WSCD2: variants seen among roughly 807,000 people sequenced by gnomAD.
WSCD2 encodes WSC domain sialate O sulfotransferase 2, also known as sialate:O-sulfotransferase 2.
In WSCD2, 28 loss-of-function variants were observed where a neutral mutation model predicts 55.7. The observed-to-expected ratio is 0.50, with a 90% CI of 0.37 to 0.69. WSCD2 has a LOEUF of 0.69. WSCD2 is among the 30% of genes least tolerant of loss of function. The pLI, the probability that WSCD2 is intolerant of heterozygous loss-of-function variation, is 0.00. For missense variants in WSCD2, 616 were observed against 762.1 expected, an observed-to-expected ratio of 0.81 and a Z score of 2.26; for synonymous variants, 301 against 301.9, an observed-to-expected ratio of 1.00 and a Z score of 0.03.
At position 108,248,322 on chromosome 12, in the gene WSCD2, C is replaced by T. The variant is rs779612434; in HGVS notation, c.1677C>T (p.Pro559=). ...ALKGRNLTGV[P]DDYYPR ...AAGGGCGGAACCTAACGGGTGTCCC[C>T]GATGACTACTACCCAAGATGATGCG... is the stretch of plus-strand genomic sequence containing the variant. Residue 559 remains proline, a synonymous_variant, in exon 9 of 9, where the codon CCC becomes CCT. Coordinates refer to ENST00000547525, the MANE Select transcript of WSCD2 (RefSeq NM_014653.4). The surrounding 1 kb of genome is among the most constrained non-coding windows in gnomAD (Gnocchi z 4.3). 14 of 1,613,244 alleles carry T rather than the reference C, an allele frequency of 8.7e-6. No homozygotes were observed. The highest frequency in any genetic ancestry group is 4.0e-5 in the African/African-American group (3 of 74,912).
At chr12:108,133,038 T>TGTGTATCCGTGAATGTTAGCATG (rs1312983207) in intron 1 of WSCD2, among the ~76,000 whole-genome samples, 10 of 152,198 alleles carry the variant, frequency 6.6e-5, no homozygotes, top group Non-Finnish European at 1.3e-4. Context: ...AGCATGTGCA[T>TGTGTATCCGTGAATGTTAGCATG]TTGATTGTGT....
Position 108,210,272 on chromosome 12 carries a change from C to T in WSCD2, c.649C>T (p.Arg217Trp), listed in dbSNP as rs761058784. Residue 217 changes from arginine to tryptophan, a missense_variant, in exon 4 of 9, where the codon CGG becomes TGG. Physicochemically the swap from Arg to Trp is moderately radical, Grantham distance 101. This residue lies in a region of WSCD2 where 374 missense variants were observed against 467.4 expected (regional missense o/e 0.80). Coordinates refer to ENST00000547525, the MANE Select transcript of WSCD2 (RefSeq NM_014653.4). The surrounding 1 kb of genome is among the most constrained non-coding windows in gnomAD (Gnocchi z 4.3). Reference protein sequence around the residue: ...CGGANRLSVYRLQLAQESARR... With the variant: ...CGGANRLSVYWLQLAQESARR... ...CGGCGCCAACCGCCTCTCTGTCTAC[C>T]GGCTGCAGCTGGCCCAGGAGTCGGC... The T allele has an allele frequency of 4.4e-6, 7 of 1,604,320 alleles. No homozygotes were observed. The highest frequency in any genetic ancestry group is 4.0e-5 in the African/African-American group (3 of 74,710).
At chr12:108,216,223 A>AT (rs1351290579) in intron 4 of WSCD2, among the ~76,000 whole-genome samples, 1 of 152,204 alleles carries the variant, frequency 6.6e-6, no homozygotes, top group Admixed American at 6.5e-5. Flanking sequence ...AAGTAATTGA[A>AT]TCTTGCTAAG....
intron 1 of WSCD2, among the ~76,000 whole-genome samples, chr12:108,149,472 C>T (rs867208356): frequency 2.6e-5 from 4 of 152,314 alleles, no homozygotes; most frequent in Non-Finnish European, 5.9e-5. Context: ...TTTCAGTATG[C>T]ACCAACATCG....
chr12:108,227,192 CCA>C, intron 6 of WSCD2, 28 bp downstream of exon 6: 2 of 1,597,574 alleles, frequency 1.3e-6, no homozygotes. Flanking sequence ...CCAGTGGACC[CCA>C]GATGCACTCC....
chr12:108,180,467 A>T (rs1288576613), intron 1 of WSCD2, among the ~76,000 whole-genome samples: 1 of 152,276 alleles, frequency 6.6e-6, no homozygotes, highest in Non-Finnish European at 1.5e-5. Context: ...CGTGGGACAA[A>T]CCTTGGCTTG....
Position 108,248,524 on chromosome 12 carries a change from C to A in WSCD2, c.*181C>A. The A allele has an allele frequency of 7.1e-7, 1 of 1,418,198 alleles. No individual in the cohort carries two copies. Among genetic ancestry groups the A allele is most frequent in the Non-Finnish European group, 9.2e-7 (1 of 1,089,650 alleles). 87.9% of individuals were successfully genotyped at this position (1,418,198 alleles called of 1,614,324 possible). On this transcript the variant is annotated 3_prime_UTR_variant, in exon 9 of 9. Transcript: ENST00000547525. The surrounding 1 kb of genome is among the most constrained non-coding windows in gnomAD (Gnocchi z 4.3). ...AGGAGGCTCAAGGGAAGAGATTGCC[C>A]AGGCACTACCACTCTGCTCACATGT...
chr12:108,224,716 T>C, intron 4 of WSCD2, 23 bp from the exon 5 acceptor site: 2 of 1,608,398 alleles, frequency 1.2e-6, no homozygotes, highest in Non-Finnish European at 8.5e-7. Flanking sequence ...ATCTGACTAG[T>C]CCTCTTCTCT....
At chr12:108,204,136 A>T (rs1166206493) in intron 2 of WSCD2, among the ~76,000 whole-genome samples, 1 of 152,212 alleles carries the variant, frequency 6.6e-6, no homozygotes, top group South Asian at 2.1e-4. Context: ...TTGAATTTTT[A>T]AAAAATGAGA....
chr12:108,133,442 G>T (rs559824132), intron 1 of WSCD2, among the ~76,000 whole-genome samples: 1 of 152,288 alleles, frequency 6.6e-6, no homozygotes, highest in African/African-American at 2.4e-5. Context: ...GCATGTCTGT[G>T]TGTATGTGTG....
rs551353361 is a variant in WSCD2 at position 108,151,461 on chromosome 12, G to T, written c.-552+21535G>T. ...CTGGCAAATGACCTCCTCCCCAGGG[G>T]TGGGGGTTCTATTGGCTAGGAAGAG... On this transcript the variant is annotated intron_variant, in intron 1 of 8. Coordinates refer to ENST00000547525, the MANE Select transcript of WSCD2 (RefSeq NM_014653.4). Among the ~76,000 whole-genome samples, 21 of 152,352 alleles carry T rather than the reference G, an allele frequency of 1.4e-4. No homozygotes were observed. The East Asian group carries it at 4.1e-3, about 29-fold the overall frequency.
intron 1 of WSCD2, among the ~76,000 whole-genome samples, chr12:108,161,273 A>C (rs1879025958): frequency 6.6e-6 from 1 of 152,220 alleles, no homozygotes; most frequent in Admixed American, 6.5e-5. Context: ...TCAAATGTTT[A>C]AGTTCTAACC....
At chr12:108,185,457 T>C (rs1565943869) in intron 1 of WSCD2, among the ~76,000 whole-genome samples, 1 of 152,110 alleles carries the variant, frequency 6.6e-6, no homozygotes, top group Non-Finnish European at 1.5e-5. Context: ...ATTTTGCAGA[T>C]CTCAGCTCAA....
intron 8 of WSCD2, among the ~76,000 whole-genome samples, chr12:108,242,247 C>A (rs1225121020): frequency 6.6e-6 from 1 of 152,218 alleles, no homozygotes; most frequent in Non-Finnish European, 1.5e-5. Context: ...TCACTCAAGG[C>A]GGTTTTTCTG....
At chr12:108,203,070 G>A (rs1394155486) in intron 2 of WSCD2, among the ~76,000 whole-genome samples, 1 of 152,196 alleles carries the variant, frequency 6.6e-6, no homozygotes, top group Non-Finnish European at 1.5e-5. Flanking sequence ...GACAGACCTG[G>A]ACATGGATTT....
intron 1 of WSCD2, among the ~76,000 whole-genome samples, chr12:108,141,840 T>C (rs1876850833): frequency 1.3e-5 from 2 of 152,106 alleles, no homozygotes; most frequent in Non-Finnish European, 2.9e-5. Context: ...GTAAAGAGTT[T>C]AAGTAAAGTG....
chr12:108,240,558 G>A lies in WSCD2; in HGVS notation c.1345+14G>A, dbSNP rs1889649127. The A allele has an allele frequency of 1.3e-6, 2 of 1,567,282 alleles. No homozygotes were observed. The highest frequency in any genetic ancestry group is 1.4e-5 in the African/African-American group (1 of 73,912). ...GGAAGGGCAAAGGTACAGCTCGGGA[G>A]AGGAGGGGAGGGGAGGGGAGGGGCT... On this transcript the variant is annotated intron_variant, in intron 8 of 8. Transcript: ENST00000547525.
intron 1 of WSCD2, among the ~76,000 whole-genome samples, chr12:108,186,208 TA>T (rs1882469267): frequency 6.6e-6 from 1 of 152,220 alleles, no homozygotes; most frequent in African/African-American, 2.4e-5. Context: ...AATAGACTTT[TA>T]AAAAGCCATT....
At chr12:108,208,966 T>A (rs1483690987) in intron 3 of WSCD2, among the ~76,000 whole-genome samples, 1 of 152,222 alleles carries the variant, frequency 6.6e-6, no homozygotes, top group Non-Finnish European at 1.5e-5. Context: ...GATGAGGGTG[T>A]CTAAAGATAT....
Sources: gnomAD v4.1 joint callset for allele counts (sites outside exome capture counted in the v4.1 genomes callset) on GRCh38, gnomAD v4.1.1 for gene constraint, gnomAD v4.1.1 regional missense constraint, Gnocchi (gnomAD v3.1) non-coding constraint, MANE v1.5 for transcripts, NCBI Gene and HGNC (gene_info 2026-07-23, HGNC 2026-07-21) for gene names.